UGT1A7: variants seen among roughly 807,000 people sequenced by gnomAD.
The protein encoded by UGT1A7 is UDP-glucuronosyltransferase 1A7.
UGT1A7 carries 33 observed loss-of-function variants against 45.6 expected under a neutral mutation model. The ratio of observed to expected loss-of-function variants is 0.72; its 90% confidence interval spans 0.55 to 0.97. The LOEUF (loss-of-function observed/expected upper bound fraction) is 0.97, where lower values mean the gene tolerates loss of function less well. UGT1A7 is among the 50% of genes least tolerant of loss of function. The pLI is 0.00. For synonymous variants in UGT1A7, 274 were observed against 250.6 expected (o/e 1.09, Z -0.88); for missense variants, 684 against 666.2 (o/e 1.03, Z -0.29).
chr2:233,761,996 A>C (rs1212945255), intron 1 of UGT1A7, among the ~76,000 whole-genome samples: 1 of 151,970 alleles, frequency 6.6e-6, no homozygotes, highest in African/African-American at 2.4e-5. Context: ...CCTTATTTCC[A>C]CTATACCTCC....
At chr2:233,719,108 C>T (rs2076726952) in intron 1 of UGT1A7, 1 of 1,614,264 alleles carries the variant, frequency 6.2e-7, no homozygotes, top group Non-Finnish European at 8.5e-7. Flanking sequence ...CGCTGGGCTA[C>T]ACTCAAGGGT....
chr2:233,727,765 T>C (rs2077651083), intron 1 of UGT1A7, among the ~76,000 whole-genome samples: 1 of 152,200 alleles, frequency 6.6e-6, no homozygotes. Context: ...TTGAGCTGGG[T>C]GTCCCCCAGT....
At chr2:233,744,762 A>G (rs1310047679) in intron 1 of UGT1A7, among the ~76,000 whole-genome samples, 12 of 151,872 alleles carry the variant, frequency 7.9e-5, no homozygotes, top group Non-Finnish European at 4.4e-5. Flanking sequence ...AAATAGTTTT[A>G]ACTTTGCAAA....
chr2:233,692,722 A>T, intron 1 of UGT1A7: 1 of 845,282 alleles, frequency 1.2e-6, no homozygotes, highest in African/African-American at 1.8e-5. Context: ...AAGTGTTGCT[A>T]TAACTTTTCA....
At chr2:233,693,286 T>C in intron 1 of UGT1A7, 1 of 1,614,182 alleles carries the variant, frequency 6.2e-7, no homozygotes, top group Non-Finnish European at 8.5e-7. Flanking sequence ...ACCAATCATT[T>C]GGAAACAATC....
intron 1 of UGT1A7, chr2:233,693,464 C>G: frequency 1.2e-6 from 2 of 1,614,126 alleles, no homozygotes; most frequent in South Asian, 1.1e-5. Flanking sequence ...CCCAGCCTTA[C>G]CCTGTGGGGT....
chr2:233,713,579 A>G (rs536394959), intron 1 of UGT1A7: 12 of 1,613,952 alleles, frequency 7.4e-6, no homozygotes, highest in African/African-American at 5.3e-5. Flanking sequence ...ATATTCCTAG[A>G]TTACTAACGA....
At chr2:233,768,587 T>TC in intron 4 of UGT1A7, 148 bp downstream of exon 4, 1 of 888,352 alleles carries the variant, frequency 1.1e-6, no homozygotes, top group Non-Finnish European at 1.4e-6. Context: ...TTCTTCTTTT[T>TC]TTTTTTTTTT....
intron 1 of UGT1A7, chr2:233,717,989 CTG>C (rs1276445819): frequency 4.5e-6 from 2 of 440,050 alleles, no homozygotes; most frequent in Non-Finnish European, 9.1e-6. Flanking sequence ...GGAATTCAGA[CTG>C]TGCAAGATCT....
rs1367323954 is a variant in UGT1A7, at chr2:233,708,042, G to A, written c.855+25250G>A. ...TAGTTCTTTGGCAGTTATAGATATT[G>A]CAAATATCTTCCCCCACTCTGCATC... is the stretch of plus-strand genomic sequence containing the variant. On this transcript the variant is annotated intron_variant, in intron 1 of 4. Transcript: ENST00000373426. Among the ~76,000 whole-genome samples, 5 of 152,100 alleles carry A rather than the reference G, an allele frequency of 3.3e-5. No homozygotes were observed. The South Asian group carries it at 6.2e-4, about 19-fold the overall frequency.
At chr2:233,701,951 A>C (rs1310876599) in intron 1 of UGT1A7, among the ~76,000 whole-genome samples, 1 of 152,230 alleles carries the variant, frequency 6.6e-6, no homozygotes, top group Non-Finnish European at 1.5e-5. Flanking sequence ...AAGCAAGAGC[A>C]AACACATTCA....
At chr2:233,734,048 T>C (rs547388406) in intron 1 of UGT1A7, among the ~76,000 whole-genome samples, 1 of 152,234 alleles carries the variant, frequency 6.6e-6, no homozygotes, top group East Asian at 1.9e-4. Flanking sequence ...ATGGCACATG[T>C]ATACATATGT....
chr2:233,682,575 A>T lies in UGT1A7; in HGVS notation c.638A>T (p.His213Leu). ...FKERVWNHIM[H>L]LEEHLFCPYF... is the part of the protein sequence containing the mutation. ...GAGAGAGTATGGAACCACATCATGCACTTGGAGGAACATTTATTTTGCCCC... is the reference window on the plus strand; with the variant it reads ...GAGAGAGTATGGAACCACATCATGCTCTTGGAGGAACATTTATTTTGCCCC... The change falls in exon 1 of 5, where the codon CAC becomes CTC. Residue 213 changes from histidine (H) to leucine (L), a missense_variant. By Grantham distance (99) the His-to-Leu change is moderately conservative (BLOSUM62 -3). Transcript: ENST00000373426. 1 of 1,613,882 alleles carries T rather than the reference A, an allele frequency of 6.2e-7. No homozygotes were observed. The highest frequency in any genetic ancestry group is 1.1e-5 in the South Asian group (1 of 91,070).
chr2:233,729,594 C>T (rs1443112600), intron 1 of UGT1A7: 5 of 1,614,106 alleles, frequency 3.1e-6, no homozygotes, highest in Non-Finnish European at 4.2e-6. Flanking sequence ...CCGTTAACCT[C>T]TGCGCGGCAG....
At position 233,772,473 on chromosome 2, in the gene UGT1A7, A is replaced by G. The variant is rs1575871447; in HGVS notation, c.1507A>G (p.Thr503Ala). ...CGTCGTGCTGACAGTGGCCTTCATC[A>G]CCTTTAAATGTTGTGCTTATGGCTA... ...LAVVLTVAFITFKCCAYGYRK... is the reference protein window; with the variant it reads ...LAVVLTVAFIAFKCCAYGYRK... The change falls in exon 5 of 5, where the codon ACC (threonine) becomes GCC (alanine). Residue 503 changes from threonine to alanine, a missense_variant. Coordinates refer to ENST00000373426, the MANE Select transcript of UGT1A7 (RefSeq NM_019077.3). 1.2e-6 allele frequency: 2 copies of G among 1,614,044 alleles called. No homozygotes were observed. The highest frequency in any genetic ancestry group is 1.7e-6 in the Non-Finnish European group (2 of 1,180,014).
At chr2:233,755,509 C>G (rs143373661) in intron 1 of UGT1A7, 6,563 of 166,164 alleles carry the variant, frequency 0.039, 278 homozygotes, top group Middle Eastern at 0.048. Flanking sequence ...GACCAGGCCC[C>G]GCCCACTCCG....
intron 1 of UGT1A7, among the ~76,000 whole-genome samples, chr2:233,766,078 C>T (rs1051764857): frequency 4.6e-5 from 7 of 152,154 alleles, no homozygotes; most frequent in African/African-American, 1.4e-4. Flanking sequence ...TCTACCTTGT[C>T]GCAAGGACAG....
chr2:233,699,613 A>G (rs902468508), intron 1 of UGT1A7, among the ~76,000 whole-genome samples: 5 of 152,232 alleles, frequency 3.3e-5, no homozygotes, highest in African/African-American at 1.2e-4. Flanking sequence ...ATAGAAAGGA[A>G]TAGAATGCAA....
chr2:233,711,966 T>C (rs1367774321), intron 1 of UGT1A7, among the ~76,000 whole-genome samples: 8 of 152,232 alleles, frequency 5.3e-5, no homozygotes, highest in African/African-American at 1.7e-4. Context: ...ATTTTGAAAT[T>C]TGAACTAGAG....
Sources: gnomAD v4.1 joint callset for allele counts (sites outside exome capture counted in the v4.1 genomes callset) on GRCh38, gnomAD v4.1.1 for gene constraint, MANE v1.5 for transcripts, NCBI Gene and HGNC (gene_info 2026-07-23, HGNC 2026-07-21) for gene names.